The following PTPRD variants were observed in gnomAD, a reference collection of about 807,000 sequenced individuals.
PTPRD encodes the protein receptor-type tyrosine-protein phosphatase delta.
PTPRD carries 34 observed loss-of-function variants against 214.5 expected under a neutral mutation model. The observed-to-expected ratio is 0.16, with a 90% CI of 0.12 to 0.21. The LOEUF (loss-of-function observed/expected upper bound fraction) is 0.21. Ranked by LOEUF, PTPRD falls within the 10% of genes least tolerant of loss-of-function variation. The pLI is 1.00. For synonymous variants in PTPRD, 1,128 were observed against 845.7 expected (o/e 1.33, Z -5.79); for missense variants, 2,545 against 2,398.7 (o/e 1.06, Z -1.27).
intron 9 of PTPRD, among the ~76,000 whole-genome samples, chr9:9,297,179 G>T (rs1484926102): frequency 1.3e-5 from 2 of 151,538 alleles, no homozygotes; most frequent in Admixed American, 6.6e-5. Flanking sequence ...AGAGCCTCTT[G>T]GTCTTGTATC....
At chr9:9,515,052 G>T (rs1384622529) in intron 8 of PTPRD, among the ~76,000 whole-genome samples, 1 of 151,980 alleles carries the variant, frequency 6.6e-6, no homozygotes, top group African/African-American at 2.4e-5. Flanking sequence ...TATATGTTGG[G>T]TAGCAAAAGT....
rs887034803 is a variant in PTPRD at position 9,793,816 on chromosome 9, A to T, written c.-367-26965T>A. On this transcript the variant is annotated intron_variant, in intron 5 of 45. Coordinates refer to ENST00000381196, the MANE Select transcript of PTPRD (RefSeq NM_002839.4). ...AATTCCAGTTAACTTTAATAAATGG[A>T]CAAAAAGTATAAAATAGTAACAATA... Among the ~76,000 whole-genome samples the T allele has an allele frequency of 3.3e-5, 5 of 152,122 alleles. No homozygotes were observed. In the South Asian group the frequency reaches 6.2e-4, roughly 19 times the overall value.
intron 9 of PTPRD, among the ~76,000 whole-genome samples, chr9:9,297,064 C>A (rs1379182766): frequency 1.3e-5 from 2 of 151,638 alleles, no homozygotes; most frequent in African/African-American, 4.8e-5. Context: ...AGTTAAAATG[C>A]ACTGCATGTT....
At chr9:8,346,640 G>A (rs1447519065) in intron 39 of PTPRD, among the ~76,000 whole-genome samples, 5 of 152,074 alleles carry the variant, frequency 3.3e-5, no homozygotes, top group Non-Finnish European at 4.4e-5. Flanking sequence ...TCGGTTATCC[G>A]ATGGACTGCC....
At chr9:10,415,819 A>G (rs536638342) in intron 2 of PTPRD, among the ~76,000 whole-genome samples, 1 of 151,974 alleles carries the variant, frequency 6.6e-6, no homozygotes, top group Non-Finnish European at 1.5e-5. Context: ...AAAAGAGGGC[A>G]TGAGAATATC....
At chr9:9,093,002 C>T (rs1314098668) in intron 10 of PTPRD, among the ~76,000 whole-genome samples, 8 of 151,792 alleles carry the variant, frequency 5.3e-5, no homozygotes. Context: ...GAAACTAATG[C>T]AGTACGAAAG....
Position 9,486,203 on chromosome 9 carries a change from C to G in PTPRD, c.-237+88529G>C, listed in dbSNP as rs562005548. ...AAAAAAAAGCCTTCCCTTGAAGTCA[C>G]TATGTGAGCTCCCTCCTATGCATTT... On this transcript the variant is annotated intron_variant, in intron 8 of 45. Coordinates refer to ENST00000381196, the MANE Select transcript of PTPRD (RefSeq NM_002839.4). 1.2e-4 allele frequency among the ~76,000 whole-genome samples: 15 copies of G among 122,084 alleles called. No individual in the cohort carries two copies. The South Asian group carries it at 1.5e-3, about 12-fold the overall frequency. 80.1% of individuals were successfully genotyped at this position (122,084 alleles called of 152,430 possible). A position where few individuals can be genotyped will look rare whatever the true frequency, so the allele number is the denominator to read the frequency against.
chr9:8,836,418 T>TA (rs754634037), intron 11 of PTPRD, among the ~76,000 whole-genome samples: 2 of 152,046 alleles, frequency 1.3e-5, no homozygotes, highest in Middle Eastern at 3.4e-3. Flanking sequence ...TGCCTAAAAA[T>TA]AAAAAAGTTT....
At chr9:8,537,271 T>C (rs756653298) in intron 14 of PTPRD, among the ~76,000 whole-genome samples, 1 of 151,878 alleles carries the variant, frequency 6.6e-6, no homozygotes, top group Non-Finnish European at 1.5e-5. Flanking sequence ...ATGAATAAAA[T>C]TGAAAAAATC....
At chr9:8,414,915 G>A (rs1203147960) in intron 35 of PTPRD, among the ~76,000 whole-genome samples, 1 of 115,096 alleles carries the variant, frequency 8.7e-6, no homozygotes, top group East Asian at 2.8e-4. Flanking sequence ...GAGGGAGGGG[G>A]AGAGAGAGGG....
intron 7 of PTPRD, among the ~76,000 whole-genome samples, chr9:9,690,620 G>C (rs141961167): frequency 2.0e-5 from 3 of 151,988 alleles, no homozygotes; most frequent in African/African-American, 7.2e-5. Flanking sequence ...TTAGATTTAA[G>C]CCTTATTCCA....
chr9:8,992,012 TTGAGAG>T (rs2154348384), intron 11 of PTPRD, among the ~76,000 whole-genome samples: 1 of 152,174 alleles, frequency 6.6e-6, no homozygotes, highest in Non-Finnish European at 1.5e-5. Flanking sequence ...TGGAAAGAGT[TTGAGAG>T]TGAGAAGGAT....
In PTPRD at chr9:8,679,253, C is replaced by A. The variant is rs570423942; in HGVS notation, c.65-42409G>T. Among the ~76,000 whole-genome samples, 18 of 152,312 alleles carry A rather than the reference C, an allele frequency of 1.2e-4. 1 individual carries two copies. Among genetic ancestry groups the A allele is most frequent in the Admixed American group, 5.9e-4 (9 of 15,300 alleles). On this transcript the variant is annotated intron_variant, in intron 12 of 45. Coordinates refer to ENST00000381196, the MANE Select transcript of PTPRD (RefSeq NM_002839.4). Reference sequence around the variant, plus strand: ...TCAAAGCAGTTTGTTCATTATCATGCAATTTCAGCAAATCACATCCTCTTG... The same window carrying A: ...TCAAAGCAGTTTGTTCATTATCATGAAATTTCAGCAAATCACATCCTCTTG...
chr9:10,419,367 A>C (rs2154515172), intron 2 of PTPRD, among the ~76,000 whole-genome samples: 1 of 151,998 alleles, frequency 6.6e-6, no homozygotes, highest in South Asian at 2.1e-4. Context: ...CTACATTATC[A>C]GGGCTATAAA....
At chr9:8,504,504 T>C in intron 22 of PTPRD, 99 bp from the exon 23 acceptor site, 2 of 1,339,022 alleles carry the variant, frequency 1.5e-6, no homozygotes, top group Non-Finnish European at 2.1e-6. Flanking sequence ...ATCAGGATTA[T>C]AATCTCATCA....
chr9:10,354,595 T>C (rs191031852), intron 2 of PTPRD, among the ~76,000 whole-genome samples: 15 of 152,342 alleles, frequency 9.8e-5, no homozygotes, highest in Middle Eastern at 3.4e-3. Flanking sequence ...AGAATGTTTA[T>C]TGTATTTTAC....
At chr9:9,316,263 A>C (rs758388392) in intron 9 of PTPRD, among the ~76,000 whole-genome samples, 11 of 151,978 alleles carry the variant, frequency 7.2e-5, no homozygotes, top group Non-Finnish European at 1.5e-4. Flanking sequence ...CGTCTCTCTT[A>C]TACTCACTGT....
At position 10,094,144 on chromosome 9, in the gene PTPRD, G is replaced by C. The variant is rs142407630; in HGVS notation, c.-544-60354C>G. Among the ~76,000 whole-genome samples, 655 of 151,434 alleles carry C rather than the reference G, an allele frequency of 4.3e-3. 4 individuals are homozygous for C. The highest frequency in any genetic ancestry group is 0.015 in the African/African-American group (605 of 41,418). On this transcript the variant is annotated intron_variant, in intron 3 of 45. Coordinates refer to ENST00000381196, the MANE Select transcript of PTPRD (RefSeq NM_002839.4). ...TATGTTTAAAGCTTCCAGAATTGTA[G>C]GATTAGCTGACCGCTGTCTTGGTTT...
intron 11 of PTPRD, among the ~76,000 whole-genome samples, chr9:8,816,616 C>T (rs1184987348): frequency 6.6e-6 from 1 of 152,182 alleles, no homozygotes; most frequent in African/African-American, 2.4e-5. Context: ...TGTTAGCAAA[C>T]TCATATAGAA....
Sources: allele counts gnomAD v4.1 joint callset (sites outside exome capture counted in the v4.1 genomes callset), GRCh38; gene constraint gnomAD v4.1.1; transcripts MANE v1.5; gene names NCBI Gene and HGNC (gene_info 2026-07-23, HGNC 2026-07-21).